The following ANTXRL variants were observed in gnomAD, a reference collection of about 807,000 sequenced individuals.
The protein encoded by ANTXRL is ANTXR like.
In ANTXRL, 63 loss-of-function variants were observed where a neutral mutation model predicts 75.4. The ratio of observed to expected loss-of-function variants is 0.84; its 90% CI spans 0.68 to 1.03. ANTXRL has a LOEUF of 1.03. ANTXRL is among the 50% of genes least tolerant of loss of function. The probability of loss-of-function intolerance (pLI) is 0.00; values close to 1 mark genes in which losing one functional copy is unlikely to be tolerated. For synonymous variants in ANTXRL, 335 were observed against 291.3 expected (o/e 1.15, Z -1.53); for missense variants, 797 against 789.4 (o/e 1.01, Z -0.12).
chr10:46,292,902 G>C (rs3903031), intron 2 of ANTXRL: 60,430 of 152,298 alleles, frequency 0.4, 11,882 homozygotes, highest in Non-Finnish European at 0.48. Context: ...AGGGTCAGCC[G>C]GCAGGAAGGA....
chr10:46,300,175 G>A (rs1463078000), intron 9 of ANTXRL, among the ~76,000 whole-genome samples: 2 of 152,042 alleles, frequency 1.3e-5, no homozygotes, highest in South Asian at 2.1e-4. Flanking sequence ...CTCTGCTCAC[G>A]TGGCCCGGCA....
chr10:46,308,402 T>TCCCCCCCCCCCCCCCCCCCCCCC, intron 12 of ANTXRL: 1 of 246,458 alleles, frequency 4.1e-6, no homozygotes. Context: ...CCCTGCCCCT[T>TCCCCCCCCCCCCCCCCCCCCCCC]CCCTCCCCTC....
intron 13 of ANTXRL, among the ~76,000 whole-genome samples, 191 bp downstream of exon 13, chr10:46,309,393 AG>A (rs1838289975): frequency 6.6e-6 from 1 of 152,208 alleles, no homozygotes. Flanking sequence ...GGGCTTCTGC[AG>A]GGCCTCCTGC....
chr10:46,290,406 T>C (rs1836938027), intron 1 of ANTXRL, among the ~76,000 whole-genome samples: 1 of 152,158 alleles, frequency 6.6e-6, no homozygotes, highest in Non-Finnish European at 1.5e-5. Flanking sequence ...TTGTGAATAA[T>C]GCTGCTATGA....
At chr10:46,308,410 C>T (rs1565036785) in intron 12 of ANTXRL, 5 of 323,966 alleles carry the variant, frequency 1.5e-5, no homozygotes, top group African/African-American at 9.8e-5. Flanking sequence ...CTTCCCTCCC[C>T]TCCCCTCCCC....
chr10:46,329,487 C>T (rs1839383837), intron 16 of ANTXRL, 112 bp from the exon 17 acceptor site: 9 of 1,374,358 alleles, frequency 6.5e-6, no homozygotes, highest in African/African-American at 1.5e-5. Context: ...AAGGCCCACC[C>T]TGTGGGTCCC....
At chr10:46,319,406 C>A (rs530167872) in intron 16 of ANTXRL, among the ~76,000 whole-genome samples, 7 of 152,048 alleles carry the variant, frequency 4.6e-5, no homozygotes, top group Non-Finnish European at 7.3e-5. Flanking sequence ...TACAACACAT[C>A]GAAGATTTTA....
intron 16 of ANTXRL, 117 bp from the exon 17 acceptor site, chr10:46,329,482 C>A (rs1172683999): frequency 7.4e-7 from 1 of 1,345,888 alleles, no homozygotes; most frequent in Admixed American, 2.6e-5. Flanking sequence ...ACAGCAAGGC[C>A]CACCCTGTGG....
At chr10:46,325,126 T>C (rs1033090688) in intron 16 of ANTXRL, among the ~76,000 whole-genome samples, 6 of 112,222 alleles carry the variant, frequency 5.3e-5, no homozygotes, top group Non-Finnish European at 1.3e-4. Context: ...TCTATGTTTA[T>C]TTAAGGGTGT....
At chr10:46,315,915 C>T (rs534946612) in intron 16 of ANTXRL, among the ~76,000 whole-genome samples, 1 of 152,262 alleles carries the variant, frequency 6.6e-6, no homozygotes, top group South Asian at 2.1e-4. Context: ...TGTCTCCCTG[C>T]TCCATCACCT....
chr10:46,307,464 T>A lies in ANTXRL; in HGVS notation c.1028T>A (p.Ile343Asn). ...ACATTCTTCAAGAGCAATGTCAGCA[T>A]CACCAGCACCACATGTGTGAGTACC... ...GKTFFKSNVS[I>N]TSTTCGIFRN... The change falls in exon 12 of 17, where the codon ATC becomes AAC. Residue 343 changes from isoleucine (I) to asparagine (N), a missense_variant. Around this residue, in one of 3 missense-constraint regions of ANTXRL, gnomAD observed 479 missense variants for 422.0 expected, o/e 1.14. Coordinates refer to ENST00000620264, the MANE Select transcript of ANTXRL (RefSeq NM_001278688.3). The A allele has an allele frequency of 6.5e-7, 1 of 1,536,230 alleles. No individual in the cohort carries two copies. Among genetic ancestry groups the A allele is most frequent in the Middle Eastern group, 1.7e-4 (1 of 5,984 alleles).
intron 3 of ANTXRL, among the ~76,000 whole-genome samples, chr10:46,294,748 G>A (rs1837262553): frequency 1.3e-5 from 2 of 152,184 alleles, no homozygotes. Context: ...CAGACGGGGA[G>A]CGGGGTTTGG....
intron 16 of ANTXRL, among the ~76,000 whole-genome samples, chr10:46,314,275 AGCC>A (rs1232897320): frequency 1.3e-5 from 2 of 152,088 alleles, no homozygotes; most frequent in Non-Finnish European, 2.9e-5. Context: ...GGGCTCCTCC[AGCC>A]GCTGGGCTCC....
chr10:46,327,310 G>T (rs1839268506), intron 16 of ANTXRL, among the ~76,000 whole-genome samples: 1 of 152,124 alleles, frequency 6.6e-6, no homozygotes, highest in African/African-American at 2.4e-5. Context: ...AGCTTCTCTG[G>T]AGGGTGTGAG....
At chr10:46,329,547 G>T (rs879966762) in intron 16 of ANTXRL, 52 bp from the exon 17 acceptor site, 2 of 1,512,444 alleles carry the variant, frequency 1.3e-6, no homozygotes, top group Admixed American at 2.0e-5. Flanking sequence ...AGCCTTCTGA[G>T]CCCAGTTCGA....
intron 3 of ANTXRL, chr10:46,294,234 G>A: frequency 2.8e-6 from 1 of 363,530 alleles, no homozygotes; most frequent in Non-Finnish European, 5.2e-6. Context: ...GGGGGTGTGT[G>A]TCCTGTGAAC....
chr10:46,324,464 A>G (rs1183970620), intron 16 of ANTXRL, among the ~76,000 whole-genome samples: 4 of 152,178 alleles, frequency 2.6e-5, no homozygotes, highest in Non-Finnish European at 5.9e-5. Context: ...GATCTTGAAC[A>G]AATCTTCAAC....
upstream of ANTXRL, among the ~76,000 whole-genome samples, chr10:46,286,743 C>T (rs1460187606): frequency 2.0e-5 from 3 of 152,170 alleles, no homozygotes; most frequent in Non-Finnish European, 4.4e-5. Flanking sequence ...ATTGCCAACA[C>T]TCTGGCCTCC....
Position 46,313,245 on chromosome 10 carries a change from G to A in ANTXRL, c.1339G>A (p.Asp447Asn), listed in dbSNP as rs527537009. The change falls in exon 16 of 17, where the codon GAT (aspartate) becomes AAT (asparagine). Residue 447 changes from aspartate to asparagine, a missense_variant. Physicochemically the swap from Asp to Asn is conservative, Grantham distance 23. Coordinates refer to ENST00000620264, the MANE Select transcript of ANTXRL (RefSeq NM_001278688.3). ...GGMRRIEGNL[D>N]TFCDLSHASC... ...CCACGTTGCTTTTCAGGGCAATCTG[G>A]ATACCTTTTGTGACCTCTCTCACGC... 6.5e-7 allele frequency: 1 copy of A among 1,535,864 alleles called. No individual in the cohort carries two copies. The highest frequency in any genetic ancestry group is 1.4e-5 in the African/African-American group (1 of 73,118).
Sources: allele counts gnomAD v4.1 joint callset (sites outside exome capture counted in the v4.1 genomes callset), GRCh38; gene constraint gnomAD v4.1.1; regional missense constraint gnomAD v4.1.1; transcripts MANE v1.5; gene names NCBI Gene and HGNC (gene_info 2026-07-23, HGNC 2026-07-21).